PSMB5: variants seen among roughly 807,000 people sequenced by gnomAD.
PSMB5 encodes the protein proteasome subunit beta type-5.
A neutral mutation model predicts 22.8 loss-of-function variants in PSMB5; 2 were observed. The ratio of observed to expected loss-of-function variants is 0.09; its 90% CI spans 0.04 to 0.28. The LOEUF (loss-of-function observed/expected upper bound fraction) is 0.28. Ranked by LOEUF, PSMB5 falls within the 10% of genes least tolerant of loss-of-function variation. PSMB5 has a pLI of 1.00. For missense variants in PSMB5, 269 were observed against 343.8 expected (o/e 0.78, Z 1.72); for synonymous variants, 133 against 135.3 (o/e 0.98, Z 0.12).
chr14:23,026,043 A>C lies in PSMB5; in HGVS notation c.*46T>G. On this transcript the variant is annotated 3_prime_UTR_variant, in exon 3 of 3. Coordinates refer to ENST00000361611, the MANE Select transcript of PSMB5 (RefSeq NM_002797.5). Reference sequence around the variant, plus strand: ...GATGGGTCACTGTGTCCGTATTACCAATGACAGTCACCCCAAGAAACACAA... The same window carrying C: ...GATGGGTCACTGTGTCCGTATTACCCATGACAGTCACCCCAAGAAACACAA... 6.2e-7 allele frequency: 1 copy of C among 1,601,784 alleles called. No individual in the cohort carries two copies. The highest frequency in any genetic ancestry group is 8.5e-7 in the Non-Finnish European group (1 of 1,172,338).
chr14:23,034,876 C>A lies in PSMB5; in HGVS notation c.6G>T (p.Ala2=), dbSNP rs1222211110. The A allele has an allele frequency of 6.2e-7, 1 of 1,614,014 alleles. No individual in the cohort carries two copies. The part of the protein sequence containing the change: M[A]LASVLERPLP... The stretch of plus-strand genomic sequence containing the variant: ...GCGGTCTCTCCAACACGCTGGCAAG[C>A]GCCATGTCTAGTGTGGGCAGAAAGA... The change falls in exon 1 of 3, where the codon GCG becomes GCT. Residue 2 remains alanine (A), a synonymous_variant. Transcript: ENST00000361611.
At chr14:23,027,135 C>A (rs2046920500) in intron 2 of PSMB5, among the ~76,000 whole-genome samples, 1 of 151,446 alleles carries the variant, frequency 6.6e-6, no homozygotes, top group Admixed American at 6.6e-5. Context: ...GTAATCCCAG[C>A]ACTTTGGGAG....
chr14:23,026,313 C>T lies in PSMB5; in HGVS notation c.568G>A (p.Gly190Ser), dbSNP rs2139910180. Residue 190 changes from glycine to serine, a missense_variant, in exon 3 of 3, where the codon GGC becomes AGC. Transcript: ENST00000361611. ...ISGATFSVGS[G>S]SVYAYGVMDR... Reference sequence around the variant, plus strand: ...ATGACCCCATATGCATACACAGAGCCAGAACCTACAGAGAAGGTGGCCCCT... The same window carrying T: ...ATGACCCCATATGCATACACAGAGCTAGAACCTACAGAGAAGGTGGCCCCT... The T allele has an allele frequency of 6.2e-7, 1 of 1,614,000 alleles. No individual in the cohort carries two copies.
At chr14:23,030,097 C>T (rs1027996004) in intron 2 of PSMB5, among the ~76,000 whole-genome samples, 6 of 151,972 alleles carry the variant, frequency 3.9e-5, no homozygotes, top group South Asian at 2.1e-4. Context: ...AGGCTGGTCT[C>T]GAACTCCTGA....
rs768075884 is a variant in PSMB5, at chr14:23,034,753, C to G, written c.129G>C (p.Ala43=). The G allele has an allele frequency of 3.7e-6, 6 of 1,614,012 alleles. No individual in the cohort carries two copies. In the African/African-American group the frequency reaches 8.0e-5, roughly 22 times the overall value. ...GCTCTTCTGGGACACCCCAGCCTGG[C>G]GCGGCCAGGCTCAGACCATCACTGA... ...GSLSDGLSLA[A]PGWGVPEEPG... is the part of the protein sequence containing the mutation. Residue 43 remains alanine (A), a synonymous_variant, in exon 1 of 3, where the codon GCG becomes GCC. Transcript: ENST00000361611.
At chr14:23,029,260 T>A (rs1263127859) in intron 2 of PSMB5, among the ~76,000 whole-genome samples, 1 of 152,070 alleles carries the variant, frequency 6.6e-6, no homozygotes, top group African/African-American at 2.4e-5. Flanking sequence ...CCCAGTGCCA[T>A]GCTCTCTTGC....
chr14:23,028,017 C>T (rs1342087694), intron 2 of PSMB5, among the ~76,000 whole-genome samples: 1 of 152,100 alleles, frequency 6.6e-6, no homozygotes, highest in African/African-American at 2.4e-5. Flanking sequence ...GTGGCGCATG[C>T]CTGTAATCCC....
intron 2 of PSMB5, among the ~76,000 whole-genome samples, chr14:23,027,375 T>A (rs1178552981): frequency 1.5e-5 from 2 of 135,738 alleles, no homozygotes; most frequent in African/African-American, 5.7e-5. Context: ...AGCAAGACTT[T>A]GTCTCAAAAA....
intron 1 of PSMB5, chr14:23,034,418 C>T (rs1430016974): frequency 3.7e-5 from 16 of 431,402 alleles, no homozygotes. Flanking sequence ...TGAACAGCAG[C>T]AACCTGGGGT....
intron 2 of PSMB5, among the ~76,000 whole-genome samples, chr14:23,033,067 G>A (rs974688446): frequency 7.3e-5 from 11 of 150,492 alleles, no homozygotes; most frequent in Non-Finnish European, 1.0e-4. Context: ...CCACCACGCC[G>A]GGCTAATTTT....
In PSMB5 at chr14:23,027,219, A is replaced by G. The variant is rs1304945462; in HGVS notation, c.506-844T>C. ...AACACGGTGAAACCCCGTCTCTACT[A>G]AAAAACAAAAAATTAGCCAGGTGTG... On this transcript the variant is annotated intron_variant, in intron 2 of 2. Transcript: ENST00000361611. Among the ~76,000 whole-genome samples, 5 of 151,348 alleles carry G rather than the reference A, an allele frequency of 3.3e-5. No homozygotes were observed. The East Asian group carries it at 9.7e-4, about 29-fold the overall frequency.
intron 2 of PSMB5, among the ~76,000 whole-genome samples, chr14:23,028,671 G>A (rs1269144873): frequency 2.0e-5 from 3 of 152,174 alleles, no homozygotes; most frequent in Non-Finnish European, 2.9e-5. Context: ...TTTCCATACT[G>A]TCTATGGTTG....
At chr14:23,030,679 C>A (rs1422845365) in intron 2 of PSMB5, among the ~76,000 whole-genome samples, 4 of 152,282 alleles carry the variant, frequency 2.6e-5, no homozygotes, top group East Asian at 1.9e-4. Context: ...CGCCACCCAG[C>A]ACTTTGGGAG....
chr14:23,034,438 A>G, intron 1 of PSMB5: 1 of 485,082 alleles, frequency 2.1e-6, no homozygotes, highest in Admixed American at 3.5e-5. Context: ...TCGCCTAGGA[A>G]TCAACCCAAG....
intron 2 of PSMB5, 38 bp from the exon 3 acceptor site, chr14:23,026,413 G>T (rs747802647): frequency 2.5e-6 from 4 of 1,571,694 alleles, no homozygotes; most frequent in Non-Finnish European, 3.5e-6. Context: ...AAAAAAAAAA[G>T]ATCACCCCTT....
chr14:23,034,775 C>A lies in PSMB5; in HGVS notation c.107G>T (p.Ser36Ile). 1 of 1,614,252 alleles carries A rather than the reference C, an allele frequency of 6.2e-7. No individual in the cohort carries two copies. Among genetic ancestry groups the A allele is most frequent in the Non-Finnish European group, 8.5e-7 (1 of 1,180,048 alleles). The change falls in exon 1 of 3, where the codon AGT becomes ATT. Residue 36 changes from serine to isoleucine, a missense_variant. By Grantham distance (142) the Ser-to-Ile change is moderately radical. Around this residue, in one of 3 missense-constraint regions of PSMB5, gnomAD observed 81 missense variants for 70.4 expected, o/e 1.15. Coordinates refer to ENST00000361611, the MANE Select transcript of PSMB5 (RefSeq NM_002797.5). ...DLLDLGPGSL[S>I]DGLSLAAPGW... ...TGGCGCGGCCAGGCTCAGACCATCA[C>A]TGAGACTCCCTGGACCTAGATCCAG...
chr14:23,031,248 A>C (rs1189392461), intron 2 of PSMB5, among the ~76,000 whole-genome samples: 1 of 152,222 alleles, frequency 6.6e-6, no homozygotes, highest in Non-Finnish European at 1.5e-5. Flanking sequence ...TCCGCCAGCT[A>C]AAGGTTCAAA....
chr14:23,033,225 A>T (rs550428493), intron 2 of PSMB5, 143 bp downstream of exon 2: 5 of 360,100 alleles, frequency 1.4e-5, no homozygotes, highest in Non-Finnish European at 2.2e-5. Context: ...AAAAAACAGG[A>T]AAAAAAAAAA....
intron 2 of PSMB5, among the ~76,000 whole-genome samples, chr14:23,029,652 T>C (rs997368296): frequency 6.6e-6 from 1 of 152,208 alleles, no homozygotes; most frequent in African/African-American, 2.4e-5. Context: ...GTTCAAGTGA[T>C]TGATTCTCCT....
Sources: gnomAD v4.1 joint callset for allele counts (sites outside exome capture counted in the v4.1 genomes callset) on GRCh38, gnomAD v4.1.1 for gene constraint, gnomAD v4.1.1 regional missense constraint, MANE v1.5 for transcripts, NCBI Gene and HGNC (gene_info 2026-07-23, HGNC 2026-07-21) for gene names.